Variants in DNER observed in about 807,000 individuals in gnomAD.
DNER encodes delta and Notch-like epidermal growth factor-related receptor.
DNER carries 33 observed loss-of-function variants against 78.2 expected under a neutral mutation model. The observed-to-expected ratio is 0.42, with a 90% CI of 0.32 to 0.56. The LOEUF (loss-of-function observed/expected upper bound fraction) is 0.56. Ranked by LOEUF, DNER falls within the 20% of genes least tolerant of loss-of-function variation. The pLI is 0.11. For missense variants in DNER, 918 were observed against 975.3 expected (o/e 0.94, Z 0.78); for synonymous variants, 417 against 384.8 (o/e 1.08, Z -0.98).
At chr2:229,407,083 G>T in intron 10 of DNER, 149 bp downstream of exon 10, 1 of 689,274 alleles carries the variant, frequency 1.5e-6, no homozygotes, top group South Asian at 1.9e-5. Context: ...TTTTAAAATA[G>T]ATCTTCATCC....
At chr2:229,712,588 G>C (rs754646989) in intron 1 of DNER, among the ~76,000 whole-genome samples, 2 of 152,176 alleles carry the variant, frequency 1.3e-5, no homozygotes, top group Non-Finnish European at 2.9e-5. Context: ...CATTTCTTCA[G>C]GAAAAGTCAT....
chr2:229,418,906 A>C (rs912237339), intron 8 of DNER, among the ~76,000 whole-genome samples: 1 of 130,700 alleles, frequency 7.7e-6, no homozygotes, highest in Non-Finnish European at 1.6e-5. Flanking sequence ...GGGCGACAAG[A>C]GCAAAACTCC....
intron 11 of DNER, among the ~76,000 whole-genome samples, chr2:229,368,874 G>A (rs774094931): frequency 3.9e-5 from 6 of 152,172 alleles, no homozygotes; most frequent in Non-Finnish European, 8.8e-5. Flanking sequence ...GATTAAAAAT[G>A]ATTATTTTCC....
chr2:229,573,894 A>G (rs1697253914), intron 4 of DNER, among the ~76,000 whole-genome samples: 1 of 152,216 alleles, frequency 6.6e-6, no homozygotes, highest in South Asian at 2.1e-4. Flanking sequence ...TACATTTACC[A>G]TTACTCCAAT....
chr2:229,372,668 G>T (rs1442957072), intron 11 of DNER, among the ~76,000 whole-genome samples: 1 of 152,184 alleles, frequency 6.6e-6, no homozygotes, highest in East Asian at 1.9e-4. Context: ...GTTCCAATTT[G>T]CACTTTGAAA....
chr2:229,670,174 G>A (rs1226993252), intron 1 of DNER, among the ~76,000 whole-genome samples: 1 of 152,242 alleles, frequency 6.6e-6, no homozygotes, highest in African/African-American at 2.4e-5. Flanking sequence ...AAAGGATCCA[G>A]GCCAGATTCC....
At chr2:229,622,177 T>C (rs1192464993) in intron 1 of DNER, among the ~76,000 whole-genome samples, 1 of 152,220 alleles carries the variant, frequency 6.6e-6, no homozygotes, top group Non-Finnish European at 1.5e-5. Flanking sequence ...AGGGCTATAA[T>C]TCTCATCAGA....
chr2:229,521,186 A>G (rs1267546362), intron 5 of DNER, among the ~76,000 whole-genome samples: 1 of 152,220 alleles, frequency 6.6e-6, no homozygotes, highest in Non-Finnish European at 1.5e-5. Flanking sequence ...CTCCTAGTTA[A>G]TGGAGGAGCT....
At chr2:229,439,309 A>G (rs909403051) in intron 8 of DNER, among the ~76,000 whole-genome samples, 1 of 152,234 alleles carries the variant, frequency 6.6e-6, no homozygotes, top group Non-Finnish European at 1.5e-5. Context: ...AAATGTCCTC[A>G]GTGGTCTTTC....
intron 7 of DNER, among the ~76,000 whole-genome samples, chr2:229,466,370 G>C (rs1694806341): frequency 6.6e-6 from 1 of 152,076 alleles, no homozygotes; most frequent in Non-Finnish European, 1.5e-5. Flanking sequence ...CTTCCTGAAA[G>C]AGTCTTTCCT....
chr2:229,495,901 C>T (rs1234503470), intron 6 of DNER, among the ~76,000 whole-genome samples: 1 of 152,210 alleles, frequency 6.6e-6, no homozygotes, highest in Admixed American at 6.5e-5. Flanking sequence ...TCATCACTGC[C>T]AACCAGTATC....
intron 1 of DNER, among the ~76,000 whole-genome samples, chr2:229,610,168 A>C (rs183244056): frequency 6.6e-6 from 1 of 152,316 alleles, no homozygotes; most frequent in African/African-American, 2.4e-5. Context: ...TGCCCAATAA[A>C]CCTAAGCACA....
intron 1 of DNER, among the ~76,000 whole-genome samples, chr2:229,684,169 A>AGAGAGAGAGAGAGTGTGT (rs1184050138): frequency 1.1e-5 from 1 of 94,602 alleles, no homozygotes; most frequent in African/African-American, 4.5e-5. Flanking sequence ...AGAGAGAGAG[A>AGAGAGAGAGAGAGTGTGT]GTGTGTGTGT....
chr2:229,448,468 A>G (rs1425161254), intron 7 of DNER, among the ~76,000 whole-genome samples: 3 of 152,234 alleles, frequency 2.0e-5, no homozygotes, highest in African/African-American at 7.2e-5. Context: ...CTGTAAATTT[A>G]CTAATATGCT....
At chr2:229,684,838 A>G (rs1470170090) in intron 1 of DNER, among the ~76,000 whole-genome samples, 1 of 152,256 alleles carries the variant, frequency 6.6e-6, no homozygotes, top group African/African-American at 2.4e-5. Context: ...CAAAAATTAG[A>G]AAGCAGTATG....
intron 6 of DNER, among the ~76,000 whole-genome samples, chr2:229,505,583 G>A (rs1157206970): frequency 1.3e-5 from 2 of 152,154 alleles, no homozygotes; most frequent in Admixed American, 1.3e-4. Flanking sequence ...TGACAGGAGA[G>A]CTACAGATTC....
chr2:229,442,901 T>C (rs915389470), intron 8 of DNER, among the ~76,000 whole-genome samples: 4 of 152,200 alleles, frequency 2.6e-5, no homozygotes, highest in Non-Finnish European at 5.9e-5. Flanking sequence ...AATATAATTT[T>C]CTTTCAAAAA....
At chr2:229,385,203 A>T (rs565973166) in intron 11 of DNER, among the ~76,000 whole-genome samples, 1 of 152,282 alleles carries the variant, frequency 6.6e-6, no homozygotes, top group African/African-American at 2.4e-5. Context: ...CCATCACTTA[A>T]ACACAACCAA....
At chr2:229,587,417 C>T (rs1402734287) in intron 3 of DNER, among the ~76,000 whole-genome samples, 2 of 152,220 alleles carry the variant, frequency 1.3e-5, no homozygotes, top group Non-Finnish European at 2.9e-5. Context: ...GAGTTCAAGG[C>T]TGTGGTGACC....
Sources: gnomAD v4.1 joint callset for allele counts (sites outside exome capture counted in the v4.1 genomes callset) on GRCh38, gnomAD v4.1.1 for gene constraint, MANE v1.5 for transcripts, NCBI Gene and HGNC (gene_info 2026-07-23, HGNC 2026-07-21) for gene names.